GLT8D2: variants seen among roughly 807,000 people sequenced by gnomAD.
GLT8D2 encodes glycosyltransferase 8 domain-containing protein 2.
A neutral mutation model predicts 44.5 loss-of-function variants in GLT8D2; 45 were observed. The observed-to-expected ratio is 1.01, with a 90% CI of 0.80 to 1.30. The LOEUF is 1.30. Among genes scored for constraint, GLT8D2 ranks in the 50% most tolerant of loss-of-function variants. The pLI, the probability that GLT8D2 is intolerant of heterozygous loss-of-function variation, is 0.00. For synonymous variants in GLT8D2, 156 were observed against 157.2 expected, an observed-to-expected ratio of 0.99 and a Z score of 0.06; for missense variants, 400 against 430.4, an observed-to-expected ratio of 0.93 and a Z score of 0.62.
chr12:104,009,650 T>C (rs1875555984), intron 4 of GLT8D2, among the ~76,000 whole-genome samples: 1 of 152,172 alleles, frequency 6.6e-6, no homozygotes, highest in Non-Finnish European at 1.5e-5. Context: ...CAGAATGATA[T>C]GGTTTGGCTC....
Position 104,031,240 on chromosome 12 carries a change from G to A in GLT8D2, c.-163-9749C>T. The A allele has an allele frequency of 1.9e-6, 3 of 1,611,298 alleles. No homozygotes were observed. In the East Asian group the frequency reaches 6.7e-5, roughly 36 times the overall value. On this transcript the variant is annotated intron_variant, in intron 1 of 10. Coordinates refer to ENST00000360814, the MANE Select transcript of GLT8D2 (RefSeq NM_001384711.1). The stretch of plus-strand genomic sequence containing the variant: ...CAGAAGATCAGCTACCCTCCTGTGA[G>A]AGTCTGAAGGATACTATTGCCAGAG...
At chr12:104,045,355 G>A (rs1178089123) in intron 1 of GLT8D2, among the ~76,000 whole-genome samples, 4 of 152,160 alleles carry the variant, frequency 2.6e-5, no homozygotes, top group African/African-American at 7.2e-5. Flanking sequence ...CCGTGTGTGT[G>A]GTTTCTCTGT....
At chr12:104,047,552 T>A (rs1322604097) in intron 1 of GLT8D2, among the ~76,000 whole-genome samples, 6 of 152,136 alleles carry the variant, frequency 3.9e-5, no homozygotes, top group Middle Eastern at 3.4e-3. Context: ...GTGATCCACC[T>A]GCCTCAGCCT....
chr12:103,993,624 C>T (rs1042753699), intron 9 of GLT8D2, 120 bp from the exon 10 acceptor site: 13 of 629,058 alleles, frequency 2.1e-5, no homozygotes, highest in African/African-American at 3.8e-5. Flanking sequence ...GACTTATGGC[C>T]TTTCATTCTC....
chr12:104,041,507 C>T (rs187218497), intron 1 of GLT8D2, among the ~76,000 whole-genome samples: 1 of 152,268 alleles, frequency 6.6e-6, no homozygotes, highest in East Asian at 1.9e-4. Flanking sequence ...ACCAGGGAGG[C>T]GGAGGTTGCA....
intron 1 of GLT8D2, among the ~76,000 whole-genome samples, chr12:104,055,880 C>T (rs935089916): frequency 2.6e-5 from 4 of 152,204 alleles, no homozygotes; most frequent in African/African-American, 7.2e-5. Flanking sequence ...TCCAAGATCA[C>T]ACATATGGGG....
intron 1 of GLT8D2, among the ~76,000 whole-genome samples, chr12:104,059,240 T>C (rs955467457): frequency 1.3e-5 from 2 of 152,222 alleles, no homozygotes; most frequent in Non-Finnish European, 2.9e-5. Context: ...CTGGTATACA[T>C]GTAGGTATAC....
intron 1 of GLT8D2, among the ~76,000 whole-genome samples, chr12:104,043,911 T>C (rs568208336): frequency 6.6e-6 from 1 of 152,390 alleles, no homozygotes; most frequent in East Asian, 1.9e-4. Context: ...CCACCTTCTG[T>C]GGCTCCACCC....
intron 1 of GLT8D2, among the ~76,000 whole-genome samples, chr12:104,046,504 AGTT>A (rs1881165437): frequency 6.6e-6 from 1 of 152,232 alleles, no homozygotes; most frequent in Non-Finnish European, 1.5e-5. Flanking sequence ...CCACCTTGAT[AGTT>A]ACTACAGCCA....
intron 2 of GLT8D2, among the ~76,000 whole-genome samples, chr12:104,020,329 A>G (rs1877468210): frequency 6.6e-6 from 1 of 152,136 alleles, no homozygotes; most frequent in South Asian, 2.1e-4. Flanking sequence ...GATCTAAAAT[A>G]TCAACCCTAT....
chr12:104,013,095 C>T (rs1385711419), intron 4 of GLT8D2, among the ~76,000 whole-genome samples: 5 of 152,206 alleles, frequency 3.3e-5, no homozygotes, highest in African/African-American at 1.2e-4. Context: ...TAAAAATTTA[C>T]CCATTGTAAG....
At chr12:104,029,960 T>G (rs932608431) in intron 1 of GLT8D2, among the ~76,000 whole-genome samples, 4 of 151,744 alleles carry the variant, frequency 2.6e-5, no homozygotes, top group Non-Finnish European at 4.4e-5. Context: ...AAAATTCCAA[T>G]GACATTTTTC....
chr12:104,025,067 C>CAAA (rs34885430), intron 1 of GLT8D2, among the ~76,000 whole-genome samples: 21 of 67,156 alleles, frequency 3.1e-4, no homozygotes, highest in African/African-American at 4.4e-4. Flanking sequence ...GAGACTTTGT[C>CAAA]AAAAAAAAAA....
chr12:103,989,454 A>G lies in GLT8D2; in HGVS notation c.1004T>C (p.Phe335Ser). 6.2e-7 allele frequency: 1 copy of G among 1,613,782 alleles called. No homozygotes were observed. Among genetic ancestry groups the G allele is most frequent in the Non-Finnish European group, 8.5e-7 (1 of 1,179,794 alleles). The change falls in exon 11 of 11, where the codon TTT (phenylalanine) becomes TCT (serine). Residue 335 changes from phenylalanine to serine, a missense_variant. Coordinates refer to ENST00000360814, the MANE Select transcript of GLT8D2 (RefSeq NM_001384711.1). ...SVHNDLWESW[F>S]VPDPAGIFKL... ...AAATATCCCTGCAGGGTCAGGAACA[A>G]ACCAGCTTTCCCATAAGTCGTTGTG...
At chr12:104,008,606 C>G (rs1875398843) in intron 4 of GLT8D2, among the ~76,000 whole-genome samples, 1 of 152,170 alleles carries the variant, frequency 6.6e-6, no homozygotes, top group Non-Finnish European at 1.5e-5. Flanking sequence ...CAGAAATTTG[C>G]ATAAGTAACA....
At chr12:104,007,726 A>G (rs1012819232) in intron 4 of GLT8D2, among the ~76,000 whole-genome samples, 2 of 152,198 alleles carry the variant, frequency 1.3e-5, no homozygotes, top group Non-Finnish European at 2.9e-5. Context: ...ATGATATGGT[A>G]TGGCTCTGTG....
chr12:104,021,912 GAAGAAGAA>G (rs1877749330), intron 1 of GLT8D2, among the ~76,000 whole-genome samples: 1 of 16,332 alleles, frequency 6.1e-5, no homozygotes, highest in Non-Finnish European at 1.2e-4. Flanking sequence ...AGAAGAAGAA[GAAGAAGAA>G]GAAGAAGAAG....
At chr12:104,037,843 A>G (rs1880077802) in intron 1 of GLT8D2, among the ~76,000 whole-genome samples, 1 of 152,226 alleles carries the variant, frequency 6.6e-6, no homozygotes, top group Non-Finnish European at 1.5e-5. Flanking sequence ...ACACAGCACA[A>G]AAAGAGAATT....
At chr12:104,019,760 G>T in intron 2 of GLT8D2, 84 bp from the exon 3 acceptor site, 1 of 826,294 alleles carries the variant, frequency 1.2e-6, no homozygotes, top group Non-Finnish European at 2.0e-6. Flanking sequence ...TGCCTTCCCT[G>T]AAAGACTGAT....
Sources: allele counts gnomAD v4.1 joint callset (sites outside exome capture counted in the v4.1 genomes callset), GRCh38; gene constraint gnomAD v4.1.1; transcripts MANE v1.5; gene names NCBI Gene and HGNC (gene_info 2026-07-23, HGNC 2026-07-21).